The following ARMC9 variants were observed in gnomAD, a reference collection of about 807,000 sequenced individuals.
ARMC9 encodes armadillo repeat containing 9.
A neutral mutation model predicts 107.0 loss-of-function variants in ARMC9; 94 were observed. The observed-to-expected ratio is 0.88, with a 90% CI of 0.74 to 1.04. ARMC9 has a LOEUF of 1.04. Ranked by LOEUF, ARMC9 falls within the 50% of genes least tolerant of loss-of-function variation. ARMC9 has a pLI of 0.00. For synonymous variants in ARMC9, 380 were observed against 396.9 expected, an observed-to-expected ratio of 0.96 and a Z score of 0.51; for missense variants, 942 against 1,030.1, an observed-to-expected ratio of 0.91 and a Z score of 1.17.
rs111848821 is a variant in ARMC9, at chr2:231,259,656, C to T, written c.1026+554C>T. Among the ~76,000 whole-genome samples the T allele has an allele frequency of 6.1e-4, 93 of 152,282 alleles. 1 individual carries two copies. The highest frequency in any genetic ancestry group is 2.0e-3 in the African/African-American group (82 of 41,562). On this transcript the variant is annotated intron_variant, in intron 11 of 24. Coordinates refer to ENST00000611582, the MANE Select transcript of ARMC9 (RefSeq NM_001352754.2). Reference sequence around the variant, plus strand: ...GAGGACCTCAGAGAGCTTTCATTTACGTGAATTCTACCTGCCAATATTTAC... The same window carrying T: ...GAGGACCTCAGAGAGCTTTCATTTATGTGAATTCTACCTGCCAATATTTAC...
chr2:231,266,871 A>G (rs905599788), intron 12 of ARMC9, among the ~76,000 whole-genome samples: 1 of 152,242 alleles, frequency 6.6e-6, no homozygotes, highest in African/African-American at 2.4e-5. Flanking sequence ...TACTGTGGAT[A>G]GTGCTGCTGT....
chr2:231,260,680 C>T (rs566534001), intron 11 of ARMC9, among the ~76,000 whole-genome samples: 11 of 152,268 alleles, frequency 7.2e-5, no homozygotes, highest in Non-Finnish European at 1.3e-4. Context: ...GAGTCATCCA[C>T]GGTGGCCGTT....
At chr2:231,332,749 G>A (rs2043828172) in intron 20 of ARMC9, among the ~76,000 whole-genome samples, 2 of 152,150 alleles carry the variant, frequency 1.3e-5, no homozygotes, top group Admixed American at 6.6e-5. Context: ...TGGAAGGGAG[G>A]AGCAATTGCC....
At chr2:231,347,228 T>G (rs992900027) in intron 21 of ARMC9, among the ~76,000 whole-genome samples, 1 of 152,244 alleles carries the variant, frequency 6.6e-6, no homozygotes, top group Non-Finnish European at 1.5e-5. Flanking sequence ...CTCATTTTCC[T>G]GAAACCATGG....
At chr2:231,302,601 T>G (rs2041822187) in intron 19 of ARMC9, among the ~76,000 whole-genome samples, 1 of 152,184 alleles carries the variant, frequency 6.6e-6, no homozygotes, top group Non-Finnish European at 1.5e-5. Flanking sequence ...TGAAGTATTT[T>G]CAAAGCCTTT....
intron 20 of ARMC9, among the ~76,000 whole-genome samples, chr2:231,334,958 T>C (rs1015522633): frequency 6.6e-6 from 1 of 152,184 alleles, no homozygotes; most frequent in African/African-American, 2.4e-5. Flanking sequence ...AAAGTCATGA[T>C]CCAGGCCCCT....
intron 8 of ARMC9, 56 bp downstream of exon 8, chr2:231,235,437 G>A (rs866682818): frequency 8.8e-6 from 14 of 1,592,118 alleles, no homozygotes; most frequent in Middle Eastern, 1.7e-4. Flanking sequence ...AAGGCTTATA[G>A]GCATGGACTA....
chr2:231,253,158 T>C (rs2125398016), intron 9 of ARMC9, among the ~76,000 whole-genome samples: 1 of 152,166 alleles, frequency 6.6e-6, no homozygotes, highest in Middle Eastern at 3.4e-3. Flanking sequence ...GGAGTCTTGG[T>C]CTGTCACCCA....
At position 231,228,857 on chromosome 2, in the gene ARMC9, T is replaced by G. The variant is rs867166751; in HGVS notation, c.622+2059T>G. ...GTGGTGAGAAACTTCTCTCTCTGGT[T>G]CCTGAGTTTCTGCAGCTCATGTCCC... On this transcript the variant is annotated intron_variant, in intron 7 of 24. Coordinates refer to ENST00000611582, the MANE Select transcript of ARMC9 (RefSeq NM_001352754.2). Among the ~76,000 whole-genome samples, 161 of 152,172 alleles carry G rather than the reference T, an allele frequency of 1.1e-3. 1 individual carries two copies. Among genetic ancestry groups the G allele is most frequent in the African/African-American group, 3.5e-3 (146 of 41,522 alleles).
At chr2:231,293,397 C>G (rs2041156173) in intron 18 of ARMC9, among the ~76,000 whole-genome samples, 1 of 152,170 alleles carries the variant, frequency 6.6e-6, no homozygotes, top group Non-Finnish European at 1.5e-5. Flanking sequence ...GCCAGGAGTT[C>G]TCTGCATTCA....
At chr2:231,350,155 A>G (rs1400377373) in intron 21 of ARMC9, among the ~76,000 whole-genome samples, 7 of 151,502 alleles carry the variant, frequency 4.6e-5, no homozygotes, top group Non-Finnish European at 1.5e-5. Flanking sequence ...CCTCCCAAGT[A>G]GCTGGGATTA....
chr2:231,207,974 C>A (rs546541256), intron 2 of ARMC9, among the ~76,000 whole-genome samples, 153 bp from the exon 3 acceptor site: 1 of 152,224 alleles, frequency 6.6e-6, no homozygotes, highest in African/African-American at 2.4e-5. Context: ...ATTTGCATTT[C>A]TCTGATTGTT....
chr2:231,211,159 C>CA (rs201585132), intron 3 of ARMC9, among the ~76,000 whole-genome samples: 22 of 135,936 alleles, frequency 1.6e-4, no homozygotes, highest in South Asian at 1.3e-3. Flanking sequence ...CACACACACA[C>CA]CCCCACAGTT....
intron 21 of ARMC9, among the ~76,000 whole-genome samples, chr2:231,349,652 A>G (rs1371921894): frequency 3.9e-5 from 6 of 152,080 alleles, no homozygotes; most frequent in Non-Finnish European, 8.8e-5. Context: ...TGCGGTAGCG[A>G]GTGCCTGTAA....
At chr2:231,359,822 G>A (rs926077901) in intron 22 of ARMC9, among the ~76,000 whole-genome samples, 16 of 152,236 alleles carry the variant, frequency 1.1e-4, no homozygotes, top group Admixed American at 5.2e-4. Flanking sequence ...ATCAGAAATA[G>A]ATTCTCGTTT....
rs1049234927 is a variant in ARMC9, at chr2:231,371,697, C to A, written c.*162C>A. The A allele has an allele frequency of 1.2e-5, 8 of 677,698 alleles. No individual in the cohort carries two copies. Among genetic ancestry groups the A allele is most frequent in the Non-Finnish European group, 1.7e-5 (8 of 482,068 alleles). 42.0% of individuals were successfully genotyped at this position (677,698 alleles called of 1,614,324 possible). A position where few individuals can be genotyped will look rare whatever the true frequency, so the allele number is the denominator to read the frequency against. On this transcript the variant is annotated 3_prime_UTR_variant, in exon 25 of 25. Transcript: ENST00000611582. ...CCAGGCAGCACCAGAGCAAGGCCAT[C>A]GCAGCCCCGCCAGCCGGGTCACTTT...
rs909725565 is a variant in ARMC9 at position 231,351,032 on chromosome 2, C to A, written c.1995-4766C>A. Reference sequence around the variant, plus strand: ...GGAGTGCAGTGGCACGATCTCGGCTCACTGCAAGCTCCATCTCCCAGTTCA... The same window carrying A: ...GGAGTGCAGTGGCACGATCTCGGCTAACTGCAAGCTCCATCTCCCAGTTCA... On this transcript the variant is annotated intron_variant, in intron 21 of 24. Coordinates refer to ENST00000611582, the MANE Select transcript of ARMC9 (RefSeq NM_001352754.2). Among the ~76,000 whole-genome samples, 6 of 127,994 alleles carry A rather than the reference C, an allele frequency of 4.7e-5. No individual in the cohort carries two copies. The East Asian group carries it at 1.1e-3, about 24-fold the overall frequency. 84.0% of individuals were successfully genotyped at this position (127,994 alleles called of 152,430 possible).
At chr2:231,320,718 G>A (rs78213116) in intron 19 of ARMC9, among the ~76,000 whole-genome samples, 8,104 of 152,248 alleles carry the variant, frequency 0.053, 534 homozygotes, top group South Asian at 0.25. Context: ...CTTAATCCCT[G>A]GTAGGCATCT....
chr2:231,331,465 G>C (rs529565587), intron 19 of ARMC9, among the ~76,000 whole-genome samples: 6 of 152,216 alleles, frequency 3.9e-5, no homozygotes, highest in South Asian at 4.2e-4. Flanking sequence ...TCTATATGGT[G>C]CCTTGATCTC....
Sources: allele counts gnomAD v4.1 joint callset (sites outside exome capture counted in the v4.1 genomes callset), GRCh38; gene constraint gnomAD v4.1.1; transcripts MANE v1.5; gene names NCBI Gene and HGNC (gene_info 2026-07-23, HGNC 2026-07-21).